The following PLD5 variants were observed in gnomAD, a reference collection of about 807,000 sequenced individuals.
PLD5 encodes the protein inactive phospholipase D5.
PLD5 carries 36 observed loss-of-function variants against 61.1 expected under a neutral mutation model. The ratio of observed to expected loss-of-function variants is 0.59; its 90% CI spans 0.45 to 0.78. The LOEUF (loss-of-function observed/expected upper bound fraction) is 0.78, where lower values mean the gene tolerates loss of function less well. Among genes scored for constraint, PLD5 ranks in the 30% least tolerant of loss-of-function variants. The pLI is 0.00. For missense variants in PLD5, 515 were observed against 644.4 expected (o/e 0.80, Z 2.17); for synonymous variants, 243 against 242.8 (o/e 1.00, Z -0.01).
At position 242,100,799 on chromosome 1, in the gene PLD5, A is replaced by G. The variant is rs1177995934; in HGVS notation, c.1240-17T>C. On this transcript the variant is annotated splice_polypyrimidine_tract_variant and intron_variant, in intron 8 of 9. Coordinates refer to ENST00000536534, the MANE Select transcript of PLD5 (RefSeq NM_001372062.1). ...AAAAAATTTCTGTAAGAAAAAAAAA[A>G]AGGGGGCAGGTAAATAAGAGGAACG... 9.7e-6 allele frequency: 15 copies of G among 1,551,144 alleles called. No individual in the cohort carries two copies. The highest frequency in any genetic ancestry group is 8.5e-5 in the Admixed American group (5 of 58,986).
chr1:242,511,588 GA>G (rs33948487), intron 1 of PLD5, among the ~76,000 whole-genome samples: 3,540 of 149,142 alleles, frequency 0.024, 150 homozygotes, highest in African/African-American at 0.083. Context: ...GTCTAATGAT[GA>G]AAAAAAAAAA....
intron 1 of PLD5, among the ~76,000 whole-genome samples, chr1:242,413,070 T>G (rs1310723724): frequency 6.6e-6 from 1 of 152,184 alleles, no homozygotes; most frequent in Non-Finnish European, 1.5e-5. Context: ...TCCAGTGATA[T>G]GAGCCTCACA....
At chr1:242,266,104 G>A (rs1219585929) in intron 3 of PLD5, among the ~76,000 whole-genome samples, 3 of 152,222 alleles carry the variant, frequency 2.0e-5, no homozygotes, top group Non-Finnish European at 2.9e-5. Flanking sequence ...AGCCAGGCAT[G>A]GTGGTTCATG....
chr1:242,133,570 A>G (rs1026247529), intron 5 of PLD5, among the ~76,000 whole-genome samples: 11 of 152,198 alleles, frequency 7.2e-5, no homozygotes, highest in African/African-American at 2.7e-4. Context: ...GACTTGCAAG[A>G]TCACAGAATA....
intron 2 of PLD5, among the ~76,000 whole-genome samples, chr1:242,327,946 A>G (rs1387967288): frequency 6.6e-6 from 1 of 151,384 alleles, no homozygotes; most frequent in Non-Finnish European, 1.5e-5. Context: ...GAAAAAAAAA[A>G]TTAGCTGGGT....
intron 4 of PLD5, among the ~76,000 whole-genome samples, chr1:242,241,739 C>T (rs1558387129): frequency 6.7e-6 from 1 of 149,292 alleles, no homozygotes; most frequent in Non-Finnish European, 1.5e-5. Context: ...GAGAAGCCAG[C>T]CCACTAATTT....
chr1:242,394,898 T>TATATATGAA (rs1553366818), intron 1 of PLD5, among the ~76,000 whole-genome samples: 4 of 102,614 alleles, frequency 3.9e-5, no homozygotes, highest in Non-Finnish European at 7.5e-5. Flanking sequence ...ATATATATGA[T>TATATATGAA]TATATATGAA....
chr1:242,503,789 T>A (rs990155239), intron 1 of PLD5, among the ~76,000 whole-genome samples: 5 of 152,140 alleles, frequency 3.3e-5, no homozygotes, highest in African/African-American at 4.8e-5. Context: ...ATTTTTTTTT[T>A]AAATGAGGAT....
At chr1:242,097,787 T>A (rs1304575635) in intron 9 of PLD5, among the ~76,000 whole-genome samples, 5 of 152,226 alleles carry the variant, frequency 3.3e-5, no homozygotes, top group Non-Finnish European at 7.3e-5. Context: ...TTTGTTGCCA[T>A]TGCTTTTGGT....
intron 9 of PLD5, among the ~76,000 whole-genome samples, chr1:242,092,760 T>C (rs1659933441): frequency 1.3e-5 from 2 of 152,164 alleles, no homozygotes; most frequent in Admixed American, 1.3e-4. Flanking sequence ...AGACAGCCAG[T>C]TTCTGTTCCT....
chr1:242,182,609 G>A (rs1363150603), intron 5 of PLD5, among the ~76,000 whole-genome samples: 5 of 152,122 alleles, frequency 3.3e-5, no homozygotes, highest in African/African-American at 7.2e-5. Context: ...TTGGGAGGCC[G>A]AGGCAGGTGG....
intron 2 of PLD5, among the ~76,000 whole-genome samples, chr1:242,309,188 C>G (rs371809339): frequency 1.3e-5 from 2 of 152,114 alleles, no homozygotes; most frequent in East Asian, 1.9e-4. Flanking sequence ...GGAGAGAACA[C>G]AGTCATGGCT....
chr1:242,269,150 T>G (rs1673897034), intron 3 of PLD5, among the ~76,000 whole-genome samples: 2 of 152,160 alleles, frequency 1.3e-5, no homozygotes, highest in Non-Finnish European at 2.9e-5. Flanking sequence ...ACCTCACTCA[T>G]CATTTTTTTA....
chr1:242,474,397 C>G (rs1293379061), intron 1 of PLD5, among the ~76,000 whole-genome samples: 1 of 152,158 alleles, frequency 6.6e-6, no homozygotes, highest in African/African-American at 2.4e-5. Context: ...CCTCACTATC[C>G]CATATTCAAT....
At chr1:242,173,429 T>C (rs1666894585) in intron 5 of PLD5, among the ~76,000 whole-genome samples, 1 of 152,208 alleles carries the variant, frequency 6.6e-6, no homozygotes, top group African/African-American at 2.4e-5. Context: ...GAACATTCCA[T>C]GCTCATGGAT....
intron 1 of PLD5, among the ~76,000 whole-genome samples, chr1:242,503,632 C>T (rs934913303): frequency 5.9e-5 from 9 of 152,286 alleles, no homozygotes; most frequent in African/African-American, 1.7e-4. Context: ...GGAAGTCTTC[C>T]GTTTCCCTTG....
chr1:242,242,002 T>TAGAC (rs1558388010), intron 4 of PLD5, among the ~76,000 whole-genome samples: 2 of 121,960 alleles, frequency 1.6e-5, no homozygotes, highest in African/African-American at 3.4e-5. Flanking sequence ...TATATATATA[T>TAGAC]ATATATATAG....
At chr1:242,438,648 T>C (rs1666127195) in intron 1 of PLD5, among the ~76,000 whole-genome samples, 1 of 152,124 alleles carries the variant, frequency 6.6e-6, no homozygotes, top group Admixed American at 6.5e-5. Context: ...TTTCTCCATG[T>C]TGGCCAGGTT....
At chr1:242,345,553 C>T (rs1389910528) in intron 2 of PLD5, 42 of 1,244,972 alleles carry the variant, frequency 3.4e-5, no homozygotes, top group Non-Finnish European at 5.0e-5. Context: ...AAAAGGCTCA[C>T]TCCCCAGGAA....
Sources: allele counts gnomAD v4.1 joint callset (sites outside exome capture counted in the v4.1 genomes callset), GRCh38; gene constraint gnomAD v4.1.1; transcripts MANE v1.5; gene names NCBI Gene and HGNC (gene_info 2026-07-23, HGNC 2026-07-21).